The following UNC5A variants were observed in gnomAD, a reference collection of about 807,000 sequenced individuals.
UNC5A encodes the protein netrin receptor UNC5A.
Under a neutral mutation model 87.4 loss-of-function variants are expected in UNC5A, and 20 were observed. That is an observed-to-expected ratio of 0.23 (90% CI 0.16 to 0.33). The LOEUF is 0.33. Ranked by LOEUF, UNC5A falls within the 10% of genes least tolerant of loss-of-function variation. UNC5A has a pLI of 1.00. For synonymous variants in UNC5A, 438 were observed against 482.3 expected (o/e 0.91, Z 1.20); for missense variants, 844 against 1,133.4 (o/e 0.74, Z 3.67).
At chr5:176,849,646 T>A (rs1325731778) in intron 1 of UNC5A, among the ~76,000 whole-genome samples, 2 of 152,182 alleles carry the variant, frequency 1.3e-5, no homozygotes, top group Non-Finnish European at 2.9e-5. Flanking sequence ...TGTCCACTTT[T>A]CCCAGCCCCA....
In UNC5A at chr5:176,865,585, G is replaced by C; in HGVS notation, c.293-2545G>C. On this transcript the variant is annotated intron_variant, in intron 2 of 14. Coordinates refer to ENST00000329542, the MANE Select transcript of UNC5A (RefSeq NM_133369.3). This position sits in a 1 kb window ranked among gnomAD's most constrained non-coding sequence, Gnocchi z 5.3. ...CATCTGAACGTTCATTGATCTCATC[G>C]ATTTCTCAACCCAAAGCCATCGAGT... The C allele has an allele frequency of 2.2e-6, 1 of 456,930 alleles. No individual in the cohort carries two copies. Among genetic ancestry groups the C allele is most frequent in the Non-Finnish European group, 4.4e-6 (1 of 227,032 alleles). 28.3% of individuals were successfully genotyped at this position (456,930 alleles called of 1,614,324 possible).
At position 176,874,142 on chromosome 5, in the gene UNC5A, A is replaced by C. The variant is rs541719589; in HGVS notation, c.1061A>C (p.Lys354Thr). ...TCAGGCTTCCAGCCCGTCAGCATCA[A>C]GCCCAGCAAAGCAGGTGAGGGGCCC... ...LTSGFQPVSI[K>T]PSKADNPHLL... is the part of the protein sequence containing the mutation. Residue 354 changes from lysine to threonine, a missense_variant, in exon 7 of 15, where the codon AAG becomes ACG. By Grantham distance (78) the Lys-to-Thr change is moderately conservative. Coordinates refer to ENST00000329542, the MANE Select transcript of UNC5A (RefSeq NM_133369.3). The surrounding 1 kb of genome is among the most constrained non-coding windows in gnomAD (Gnocchi z 7.6). 6.2e-7 allele frequency: 1 copy of C among 1,613,526 alleles called. No individual in the cohort carries two copies. The highest frequency in any genetic ancestry group is 1.1e-5 in the South Asian group (1 of 91,086).
Position 176,828,770 on chromosome 5 carries a change from T to C in UNC5A, c.70+17950T>C, listed in dbSNP as rs1756914426. 3.3e-5 allele frequency among the ~76,000 whole-genome samples: 5 copies of C among 152,168 alleles called. No individual in the cohort carries two copies. In the South Asian group the frequency reaches 1.0e-3, roughly 32 times the overall value. ...CCTGCTCATGCTCACTGCTCGTTCATGGATGGATGGATGGGTGATTGGATG... is the reference window on the plus strand; with the variant it reads ...CCTGCTCATGCTCACTGCTCGTTCACGGATGGATGGATGGGTGATTGGATG... On this transcript the variant is annotated intron_variant, in intron 1 of 14. Transcript: ENST00000329542.
At chr5:176,878,929 T>C (rs1758337383) in intron 13 of UNC5A, among the ~76,000 whole-genome samples, 1 of 152,102 alleles carries the variant, frequency 6.6e-6, no homozygotes, top group Non-Finnish European at 1.5e-5. Context: ...CCCCAAAGAA[T>C]GAGCCAGTTT....
chr5:176,833,297 C>G (rs1457973116), intron 1 of UNC5A, among the ~76,000 whole-genome samples: 1 of 151,430 alleles, frequency 6.6e-6, no homozygotes, highest in Non-Finnish European at 1.5e-5. Context: ...CGTCCTCACC[C>G]TCCTCCCACC....
chr5:176,842,480 T>G (rs1757299407), intron 1 of UNC5A, among the ~76,000 whole-genome samples: 1 of 145,890 alleles, frequency 6.9e-6, no homozygotes, highest in Non-Finnish European at 1.5e-5. Flanking sequence ...AATCAACAAA[T>G]GGAGAAACTG....
intron 1 of UNC5A, among the ~76,000 whole-genome samples, chr5:176,853,151 G>C (rs1333736785): frequency 2.0e-5 from 3 of 152,246 alleles, no homozygotes; most frequent in African/African-American, 7.2e-5. Flanking sequence ...AGTGGGGTGA[G>C]TGCAGAGCAT....
At chr5:176,823,291 C>A (rs1427800464) in intron 1 of UNC5A, among the ~76,000 whole-genome samples, 1 of 152,070 alleles carries the variant, frequency 6.6e-6, no homozygotes, top group Admixed American at 6.5e-5. Flanking sequence ...GCTGAAAGAG[C>A]AAGAGGCTCC....
intron 6 of UNC5A, 73 bp from the exon 7 acceptor site, chr5:176,873,895 G>A (rs978039410): frequency 2.0e-6 from 3 of 1,522,438 alleles, no homozygotes; most frequent in Non-Finnish European, 1.8e-6. Context: ...TCCTCCTGGG[G>A]TGCAGACCAC....
rs1757360563 is a variant in UNC5A at position 176,844,701 on chromosome 5, C to T, written c.71-17923C>T. On this transcript the variant is annotated intron_variant, in intron 1 of 14. Coordinates refer to ENST00000329542, the MANE Select transcript of UNC5A (RefSeq NM_133369.3). The surrounding 1 kb of genome is among the most constrained non-coding windows in gnomAD (Gnocchi z 4.2). Reference sequence around the variant, plus strand: ...CTGCCTTAAACCTCCTACATCACACCCAGGGGTCTGTGGACCACAGTTCAC... The same window carrying T: ...CTGCCTTAAACCTCCTACATCACACTCAGGGGTCTGTGGACCACAGTTCAC... Among the ~76,000 whole-genome samples the T allele has an allele frequency of 6.6e-6, 1 of 152,198 alleles. No individual in the cohort carries two copies. Among genetic ancestry groups the T allele is most frequent in the African/African-American group, 2.4e-5 (1 of 41,438 alleles).
intron 8 of UNC5A, among the ~76,000 whole-genome samples, chr5:176,876,606 C>T (rs1047485574): frequency 5.3e-5 from 8 of 152,238 alleles, no homozygotes; most frequent in South Asian, 2.1e-4. Context: ...AGCCAGCCGA[C>T]GGGAGGGCAT....
chr5:176,843,121 A>G (rs1319301384), intron 1 of UNC5A, among the ~76,000 whole-genome samples: 1 of 151,402 alleles, frequency 6.6e-6, no homozygotes, highest in Non-Finnish European at 1.5e-5. Context: ...AGATCGCGTC[A>G]TTGCACTCCA....
In UNC5A at chr5:176,824,540, G is replaced by A. The variant is rs983339540; in HGVS notation, c.70+13720G>A. ...CAGGCAGGGCATTTAGCCCCCACGC[G>A]GCAGATAGAACATTCTAAAAAAAAA... On this transcript the variant is annotated intron_variant, in intron 1 of 14. Coordinates refer to ENST00000329542, the MANE Select transcript of UNC5A (RefSeq NM_133369.3). The surrounding 1 kb of genome is among the most constrained non-coding windows in gnomAD (Gnocchi z 4.2). Among the ~76,000 whole-genome samples, 22 of 151,706 alleles carry A rather than the reference G, an allele frequency of 1.5e-4. No homozygotes were observed. The highest frequency in any genetic ancestry group is 1.0e-4 in the Non-Finnish European group (7 of 67,956).
chr5:176,823,490 C>T (rs548532020), intron 1 of UNC5A, among the ~76,000 whole-genome samples: 1 of 152,230 alleles, frequency 6.6e-6, no homozygotes, highest in Admixed American at 6.5e-5. Context: ...TCCAACAGGT[C>T]CTGGTGGTGC....
intron 1 of UNC5A, among the ~76,000 whole-genome samples, chr5:176,834,735 TCTC>T (rs1757110871): frequency 1.4e-5 from 2 of 143,528 alleles, no homozygotes; most frequent in Non-Finnish European, 3.0e-5. Context: ...CTCCTCTCCC[TCTC>T]CCTCTCCCTC....
Position 176,880,008 on chromosome 5 carries a change from C to A in UNC5A, c.*122C>A. 1 of 1,308,680 alleles carries A rather than the reference C, an allele frequency of 7.6e-7. No homozygotes were observed. Among genetic ancestry groups the A allele is most frequent in the Non-Finnish European group, 1.0e-6 (1 of 978,914 alleles). 81.1% of individuals were successfully genotyped at this position (1,308,680 alleles called of 1,614,324 possible). A position where few individuals can be genotyped will look rare whatever the true frequency, so the allele number is the denominator to read the frequency against. ...CTGCTCGGACAGGCCCCCTCCCGGC[C>A]GAAGCTGTCCCTTAATGCTGGTCCT... On this transcript the variant is annotated 3_prime_UTR_variant, in exon 15 of 15. Transcript: ENST00000329542.
chr5:176,878,842 AG>A (rs1758334813), intron 13 of UNC5A, among the ~76,000 whole-genome samples: 1 of 151,968 alleles, frequency 6.6e-6, no homozygotes, highest in South Asian at 2.1e-4. Flanking sequence ...GGACTTGGGG[AG>A]GGGAGTGCAG....
At position 176,838,885 on chromosome 5, in the gene UNC5A, A is replaced by G. The variant is rs1359464055; in HGVS notation, c.71-23739A>G. 6.6e-6 allele frequency among the ~76,000 whole-genome samples: 1 copy of G among 152,262 alleles called. No individual in the cohort carries two copies. Among genetic ancestry groups the G allele is most frequent in the Admixed American group, 6.5e-5 (1 of 15,288 alleles). ...GAGATAGCATTGGTTTAAGCCAATC[A>G]GGGTCCATCCCTGAAGCTGGTAGGG... is the stretch of plus-strand genomic sequence containing the variant. On this transcript the variant is annotated intron_variant, in intron 1 of 14. Transcript: ENST00000329542. This position sits in a 1 kb window ranked among gnomAD's most constrained non-coding sequence, Gnocchi z 4.2.
intron 1 of UNC5A, among the ~76,000 whole-genome samples, chr5:176,811,090 A>G (rs1207933237): frequency 6.6e-6 from 1 of 152,168 alleles, no homozygotes; most frequent in East Asian, 1.9e-4. Context: ...GGGTGGGGGA[A>G]GTTTGCTGGT....
Sources: gnomAD v4.1 joint callset for allele counts (sites outside exome capture counted in the v4.1 genomes callset) on GRCh38, gnomAD v4.1.1 for gene constraint, Gnocchi (gnomAD v3.1) non-coding constraint, MANE v1.5 for transcripts, NCBI Gene and HGNC (gene_info 2026-07-23, HGNC 2026-07-21) for gene names.